The following MAGI2 variants were observed in gnomAD, a reference collection of about 807,000 sequenced individuals.
MAGI2 encodes the protein membrane-associated guanylate kinase, WW and PDZ domain-containing protein 2.
MAGI2 carries 35 observed loss-of-function variants against 133.3 expected under a neutral mutation model. The observed-to-expected ratio is 0.26, with a 90% CI of 0.20 to 0.35. The LOEUF (loss-of-function observed/expected upper bound fraction) is 0.35, where lower values mean the gene tolerates loss of function less well. Among genes scored for constraint, MAGI2 ranks in the 10% least tolerant of loss-of-function variants. MAGI2 has a pLI of 1.00. For missense variants in MAGI2, 1,636 were observed against 1,863.4 expected, an observed-to-expected ratio of 0.88 and a Z score of 2.25; for synonymous variants, 729 against 710.6, an observed-to-expected ratio of 1.03 and a Z score of -0.41.
chr7:78,315,560 C>T (rs1459145496), intron 9 of MAGI2, among the ~76,000 whole-genome samples: 1 of 152,086 alleles, frequency 6.6e-6, no homozygotes, highest in Non-Finnish European at 1.5e-5. Flanking sequence ...CGCATACACC[C>T]ATCAATAATT....
chr7:78,461,940 A>AG (rs1182310758), intron 6 of MAGI2, among the ~76,000 whole-genome samples: 22,161 of 134,514 alleles, frequency 0.16, 2,398 homozygotes, highest in African/African-American at 0.21. Flanking sequence ...AAAAAAAAAA[A>AG]AAAAAAAGAA....
At chr7:78,105,242 T>C (rs1461544937) in intron 20 of MAGI2, among the ~76,000 whole-genome samples, 1 of 152,214 alleles carries the variant, frequency 6.6e-6, no homozygotes, top group Admixed American at 6.5e-5. Flanking sequence ...CTAACTTAAG[T>C]AACCATTTTC....
At chr7:79,039,845 TA>T (rs1811467831) in intron 1 of MAGI2, among the ~76,000 whole-genome samples, 1 of 145,896 alleles carries the variant, frequency 6.9e-6, no homozygotes, top group African/African-American at 2.5e-5. Context: ...ATATTATATA[TA>T]CATATATATT....
At chr7:78,334,287 C>A (rs947426943) in intron 9 of MAGI2, among the ~76,000 whole-genome samples, 1 of 152,154 alleles carries the variant, frequency 6.6e-6, no homozygotes, top group Non-Finnish European at 1.5e-5. Context: ...AACTACTCAT[C>A]GGAGAGCAGG....
intron 1 of MAGI2, among the ~76,000 whole-genome samples, chr7:79,427,564 AACTCAG>A (rs1321046472): frequency 1.3e-5 from 2 of 152,108 alleles, no homozygotes; most frequent in Non-Finnish European, 2.9e-5. Flanking sequence ...CAGCAGGCAA[AACTCAG>A]ACAATATTCT....
intron 2 of MAGI2, among the ~76,000 whole-genome samples, chr7:78,630,864 A>G (rs1808915416): frequency 6.6e-6 from 1 of 152,184 alleles, no homozygotes; most frequent in African/African-American, 2.4e-5. Flanking sequence ...ATCCTATTGA[A>G]GAAATCTTTC....
intron 3 of MAGI2, among the ~76,000 whole-genome samples, chr7:78,575,530 G>A (rs114652797): frequency 1.4e-3 from 217 of 152,274 alleles, no homozygotes; most frequent in African/African-American, 5.0e-3. Context: ...GGGGTAGAGT[G>A]TGGGGGAAAT....
chr7:78,361,239 C>T (rs941105339), intron 7 of MAGI2, among the ~76,000 whole-genome samples: 1 of 151,968 alleles, frequency 6.6e-6, no homozygotes, highest in Non-Finnish European at 1.5e-5. Context: ...ACTAAAAATA[C>T]AAAAATTAGC....
chr7:78,874,262 GA>G, intron 2 of MAGI2, among the ~76,000 whole-genome samples: 1 of 151,804 alleles, frequency 6.6e-6, no homozygotes. Context: ...TTTCAAAATT[GA>G]AAAAATAGAG....
intron 12 of MAGI2, among the ~76,000 whole-genome samples, chr7:78,191,611 T>G (rs1322965679): frequency 6.6e-6 from 1 of 152,188 alleles, no homozygotes; most frequent in African/African-American, 2.4e-5. Context: ...TTGCCACCTC[T>G]GGGCACTGAG....
At chr7:78,889,605 A>C (rs1398868010) in intron 2 of MAGI2, among the ~76,000 whole-genome samples, 7 of 152,236 alleles carry the variant, frequency 4.6e-5, no homozygotes, top group South Asian at 2.1e-4. Context: ...TTTTCAACCC[A>C]GAATTTCATA....
chr7:79,406,110 C>T (rs562122290), intron 1 of MAGI2, among the ~76,000 whole-genome samples: 23 of 151,950 alleles, frequency 1.5e-4, no homozygotes, highest in Non-Finnish European at 3.2e-4. Context: ...TGTGTAAATT[C>T]TATCAATGAG....
At chr7:78,255,856 C>T in intron 10 of MAGI2, 87 bp downstream of exon 10, 1 of 1,332,408 alleles carries the variant, frequency 7.5e-7, no homozygotes, top group Non-Finnish European at 1.1e-6. Context: ...TCATTCAACT[C>T]CAAGGAAATC....
At chr7:78,605,135 G>A (rs1301284907) in intron 3 of MAGI2, among the ~76,000 whole-genome samples, 7 of 152,188 alleles carry the variant, frequency 4.6e-5, no homozygotes, top group Admixed American at 4.6e-4. Context: ...TGGAGTGGAG[G>A]GAATCCAGAT....
In MAGI2 at chr7:78,209,078, C is replaced by G. The variant is rs1017618877; in HGVS notation, c.2048-7885G>C. On this transcript the variant is annotated intron_variant, in intron 10 of 21. Transcript: ENST00000354212. ...TCTACTAAAAATACAAAAAATTAGC[C>G]GGGCGTGGTGGCGGGCGCCTGTAGT... Among the ~76,000 whole-genome samples, 9 of 138,036 alleles carry G rather than the reference C, an allele frequency of 6.5e-5. No homozygotes were observed. In the East Asian group the frequency reaches 9.0e-4, roughly 14 times the overall value. The allele number at this position is 138,036 out of a possible 152,430, so 90.6% of individuals were successfully genotyped here. A position where few individuals can be genotyped will look rare whatever the true frequency, so the allele number is the denominator to read the frequency against.
intron 8 of MAGI2, 143 bp from the exon 9 acceptor site, chr7:78,344,103 T>C: frequency 1.6e-6 from 1 of 634,304 alleles, no homozygotes; most frequent in Non-Finnish European, 2.7e-6. Flanking sequence ...AGGTGGTGAC[T>C]GCAAGAGGAG....
chr7:78,338,662 A>T (rs1262565824), intron 9 of MAGI2, among the ~76,000 whole-genome samples: 1 of 152,176 alleles, frequency 6.6e-6, no homozygotes, highest in Admixed American at 6.5e-5. Context: ...AACATGTGGG[A>T]TGTTGCAGAA....
chr7:78,199,079 T>C (rs1450003952), intron 11 of MAGI2, among the ~76,000 whole-genome samples: 1 of 152,172 alleles, frequency 6.6e-6, no homozygotes, highest in East Asian at 1.9e-4. Context: ...ATACTCTACT[T>C]AGCGTCTTCC....
intron 1 of MAGI2, among the ~76,000 whole-genome samples, chr7:79,355,320 GAAAC>G (rs777800593): frequency 2.6e-4 from 39 of 151,008 alleles, no homozygotes; most frequent in African/African-American, 7.6e-4. Context: ...ATTGAATACT[GAAAC>G]AAACAAACAA....
Sources: allele counts gnomAD v4.1 joint callset (sites outside exome capture counted in the v4.1 genomes callset), GRCh38; gene constraint gnomAD v4.1.1; transcripts MANE v1.5; gene names NCBI Gene and HGNC (gene_info 2026-07-23, HGNC 2026-07-21).